Variants in KLHL25 observed in about 807,000 individuals in gnomAD.
KLHL25 encodes the protein kelch like family member 25, also known as kelch-like protein 25.
A neutral mutation model predicts 30.0 loss-of-function variants in KLHL25; 41 were observed. That is an observed-to-expected ratio of 1.37 (90% confidence interval 1.07 to 1.78). KLHL25 has a LOEUF of 1.78. Ranked by LOEUF, KLHL25 falls within the 40% of genes most tolerant of loss-of-function variation. The probability of loss-of-function intolerance (pLI) is 0.00; values close to 1 mark genes in which losing one functional copy is unlikely to be tolerated. For synonymous variants in KLHL25, 399 were observed against 355.3 expected, an observed-to-expected ratio of 1.12 and a Z score of -1.38; for missense variants, 971 against 824.5, an observed-to-expected ratio of 1.18 and a Z score of -2.18.
At chr15:85,776,146 C>T (rs1466673634) in intron 1 of KLHL25, among the ~76,000 whole-genome samples, 8 of 149,902 alleles carry the variant, frequency 5.3e-5, no homozygotes, top group Admixed American at 2.7e-4. Flanking sequence ...GCACTCCAGC[C>T]TGGGCGACAG....
intron 1 of KLHL25, among the ~76,000 whole-genome samples, chr15:85,791,246 A>G (rs1342810890): frequency 6.6e-6 from 1 of 150,584 alleles, no homozygotes; most frequent in East Asian, 1.9e-4. Context: ...CTGTAATCCC[A>G]GCACTTTAGG....
rs775157301 is a variant in KLHL25, at chr15:85,769,602, T to C, written c.209A>G (p.Tyr70Cys). The C allele has an allele frequency of 1.6e-5, 26 of 1,613,350 alleles. No homozygotes were observed. Among genetic ancestry groups the C allele is most frequent in the South Asian group, 4.4e-5 (4 of 91,076 alleles). Residue 70 changes from tyrosine (Y) to cysteine (C), a missense_variant, in exon 2 of 3, where the codon TAT becomes TGT. Coordinates refer to ENST00000337975, the MANE Select transcript of KLHL25 (RefSeq NM_022480.4). Reference sequence around the variant, plus strand: ...GCCATGGCTGAACATGGCCTCAAAATAGCGGCTAGAGGCGGCCAGCACGGC... The same window carrying C: ...GCCATGGCTGAACATGGCCTCAAAACAGCGGCTAGAGGCGGCCAGCACGGC... ...HRAVLAASSR[Y>C]FEAMFSHGLR...
chr15:85,789,900 AAGG>A lies in KLHL25; in HGVS notation c.-11+4863_-11+4865del, dbSNP rs2089805487. On this transcript the variant is annotated intron_variant, in intron 1 of 2. Coordinates refer to ENST00000337975, the MANE Select transcript of KLHL25 (RefSeq NM_022480.4). This position sits in a 1 kb window ranked among gnomAD's most constrained non-coding sequence, Gnocchi z 4.1. ...AGGGACAGGGAACTGCCAGAGGCTC[AAGG>A]AGAACAGCCCCGTCCCTTTGGAGTT... Among the ~76,000 whole-genome samples, 1 of 152,210 alleles carries A rather than the reference AAGG, an allele frequency of 6.6e-6. No homozygotes were observed. Among genetic ancestry groups the A allele is most frequent in the Admixed American group, 6.5e-5 (1 of 15,290 alleles).
At chr15:85,771,201 GA>G (rs55642980) in intron 1 of KLHL25, 15,791 of 117,900 alleles carry the variant, frequency 0.13, 926 homozygotes, top group East Asian at 0.26. Context: ...AATTAAGCCT[GA>G]AAAAAAAAAA....
At chr15:85,774,544 G>C (rs2089697422) in intron 1 of KLHL25, among the ~76,000 whole-genome samples, 1 of 152,172 alleles carries the variant, frequency 6.6e-6, no homozygotes, top group Admixed American at 6.5e-5. Context: ...AAAGCGAAAG[G>C]CCTATCCTGA....
At chr15:85,784,069 T>C (rs1463896349) in intron 1 of KLHL25, among the ~76,000 whole-genome samples, 3 of 152,266 alleles carry the variant, frequency 2.0e-5, no homozygotes, top group Non-Finnish European at 4.4e-5. Flanking sequence ...CATATTGTTA[T>C]TGATGCAGGT....
In KLHL25 at chr15:85,769,012, C is replaced by G. The variant is rs1322046831; in HGVS notation, c.799G>C (p.Asp267His). ...CTGGTCTTGCAGCGCAGGGCCTCAT[C>G]CATGATAAGCTTGGTGCGCTCGTCT... ...MADERTKLIM[D>H]EALRCKTRIL... The change falls in exon 2 of 3, where the codon GAT becomes CAT. Residue 267 changes from aspartate to histidine, a missense_variant. By Grantham distance (81) the Asp-to-His change is moderately conservative. Transcript: ENST00000337975. The G allele has an allele frequency of 6.2e-7, 1 of 1,611,216 alleles. No homozygotes were observed. The highest frequency in any genetic ancestry group is 1.7e-5 in the Admixed American group (1 of 60,000).
At chr15:85,773,045 C>T (rs1229359720) in intron 1 of KLHL25, among the ~76,000 whole-genome samples, 1 of 152,256 alleles carries the variant, frequency 6.6e-6, no homozygotes, top group African/African-American at 2.4e-5. Flanking sequence ...CAGCCTGATC[C>T]CAAGTGAGGC....
At chr15:85,770,023 T>C (rs970675352) in intron 1 of KLHL25, among the ~76,000 whole-genome samples, 6 of 152,198 alleles carry the variant, frequency 3.9e-5, no homozygotes, top group Admixed American at 3.3e-4. Context: ...CTGCAGAAAC[T>C]GGTTTTGTTC....
chr15:85,766,246 G>A (rs1269828115), intron 2 of KLHL25, among the ~76,000 whole-genome samples: 2 of 152,218 alleles, frequency 1.3e-5, no homozygotes, highest in Non-Finnish European at 2.9e-5. Context: ...GCTCCCTCCG[G>A]CAGGACAGCT....
intron 1 of KLHL25, among the ~76,000 whole-genome samples, chr15:85,790,489 G>A (rs939414166): frequency 6.6e-6 from 1 of 152,172 alleles, no homozygotes; most frequent in East Asian, 1.9e-4. Context: ...TAAAACTGCT[G>A]AACACCAGAG....
rs571989371 is a variant in KLHL25, at chr15:85,789,505, C to A, written c.-11+5261G>T. On this transcript the variant is annotated intron_variant, in intron 1 of 2. Coordinates refer to ENST00000337975, the MANE Select transcript of KLHL25 (RefSeq NM_022480.4). This position sits in a 1 kb window ranked among gnomAD's most constrained non-coding sequence, Gnocchi z 4.1. ...AAGCGATTCTCCTGTCTCAGCCTCC[C>A]AAGTAGCTGGAATTATAGGCGCCTG... Among the ~76,000 whole-genome samples, 9 of 152,268 alleles carry A rather than the reference C, an allele frequency of 5.9e-5. No individual in the cohort carries two copies. Among genetic ancestry groups the A allele is most frequent in the Admixed American group, 5.9e-4 (9 of 15,290 alleles).
chr15:85,778,577 C>T (rs1400991612), intron 1 of KLHL25, among the ~76,000 whole-genome samples: 4 of 152,308 alleles, frequency 2.6e-5, no homozygotes, highest in Middle Eastern at 3.4e-3. Flanking sequence ...CCCAAAGCTA[C>T]GCAAGGAGTG....
chr15:85,763,081 C>G (rs2089594259), intron 2 of KLHL25: 1 of 152,302 alleles, frequency 6.6e-6, no homozygotes, highest in Admixed American at 6.5e-5. Flanking sequence ...CCTTAAAGGG[C>G]CTGGAGTACG....
intron 1 of KLHL25, among the ~76,000 whole-genome samples, chr15:85,790,172 C>T (rs1341643187): frequency 6.6e-6 from 1 of 152,112 alleles, no homozygotes; most frequent in South Asian, 2.1e-4. Flanking sequence ...TCGCTGCAAC[C>T]TCCGCCTCCC....
intron 2 of KLHL25, chr15:85,763,388 T>G (rs2089596981): frequency 6.6e-6 from 1 of 152,208 alleles, no homozygotes; most frequent in African/African-American, 2.4e-5. Flanking sequence ...CACTCAGGGC[T>G]CAAGTCCTGC....
chr15:85,791,631 G>C (rs1172404126), intron 1 of KLHL25, among the ~76,000 whole-genome samples: 1 of 152,098 alleles, frequency 6.6e-6, no homozygotes, highest in Non-Finnish European at 1.5e-5. Context: ...GCGGGGGTGA[G>C]GTGACTGGGG....
At chr15:85,788,821 A>C (rs2089798002) in intron 1 of KLHL25, among the ~76,000 whole-genome samples, 1 of 152,240 alleles carries the variant, frequency 6.6e-6, no homozygotes, top group Admixed American at 6.5e-5. Context: ...TGTGAACAAC[A>C]AAAGCGTTCA....
chr15:85,776,168 G>C (rs541889936), intron 1 of KLHL25, among the ~76,000 whole-genome samples: 1 of 92,192 alleles, frequency 1.1e-5, no homozygotes, highest in Non-Finnish European at 2.2e-5. Context: ...GCGAGACTCT[G>C]TCTCAAAAAA....
Sources: gnomAD v4.1 joint callset for allele counts (sites outside exome capture counted in the v4.1 genomes callset) on GRCh38, gnomAD v4.1.1 for gene constraint, Gnocchi (gnomAD v3.1) non-coding constraint, MANE v1.5 for transcripts, NCBI Gene and HGNC (gene_info 2026-07-23, HGNC 2026-07-21) for gene names.